The following CLN8 variants were observed in gnomAD, a reference collection of about 807,000 sequenced individuals.
CLN8 encodes protein CLN8.
A neutral mutation model predicts 15.7 loss-of-function variants in CLN8; 14 were observed. The ratio of observed to expected loss-of-function variants is 0.89; its 90% confidence interval spans 0.59 to 1.39. CLN8 has a LOEUF of 1.39. Among genes scored for constraint, CLN8 ranks in the 40% most tolerant of loss-of-function variants. The pLI is 0.00. For missense variants in CLN8, 415 were observed against 364.0 expected (o/e 1.14, Z -1.14); for synonymous variants, 188 against 151.0 (o/e 1.25, Z -1.80).
chr8:1,770,242 A>C (rs961218033), intron 1 of CLN8, among the ~76,000 whole-genome samples: 1 of 152,182 alleles, frequency 6.6e-6, no homozygotes, highest in Non-Finnish European at 1.5e-5. Context: ...TGGGGAAGGT[A>C]AAGACTTTTC....
chr8:1,756,183 C>G (rs1800665110), intron 1 of CLN8: 1 of 152,166 alleles, frequency 6.6e-6, no homozygotes, highest in Admixed American at 6.5e-5. Flanking sequence ...TTTAAATACA[C>G]AAAATTTCAC....
At chr8:1,772,614 C>G (rs1478995501) in intron 2 of CLN8, among the ~76,000 whole-genome samples, 1 of 151,578 alleles carries the variant, frequency 6.6e-6, no homozygotes, top group Non-Finnish European at 1.5e-5. Context: ...CCCACCACCA[C>G]GCCTAGCTAA....
Position 1,757,453 on chromosome 8 carries a change from T to C in CLN8, c.-124+1371T>C, listed in dbSNP as rs529173472. ...AGGCACTTTTTTTGGTTTTGTTTCG[T>C]TTTTTGAGATGGAGTCTTGCTCTGT... On this transcript the variant is annotated intron_variant, in intron 1 of 1. Coordinates refer to the CLN8 transcript ENST00000524258. 2.4e-4 allele frequency among the ~76,000 whole-genome samples: 36 copies of C among 152,236 alleles called. 1 individual carries two copies. In the South Asian group the frequency reaches 7.0e-3, roughly 30 times the overall value.
At position 1,784,958 on chromosome 8, in the gene CLN8, G is replaced by A. The variant is rs117588996; in HGVS notation, c.*4391G>A. 0.067 allele frequency: 10,272 copies of A among 152,626 alleles called. 424 individuals are homozygous for A. Among genetic ancestry groups the A allele is most frequent in the Non-Finnish European group, 0.098 (6,691 of 68,252 alleles). The allele number at this position is 152,626 out of a possible 1,614,324, so 9.5% of individuals were successfully genotyped here. A position where few individuals can be genotyped will look rare whatever the true frequency, so the allele number is the denominator to read the frequency against. On this transcript the variant is annotated 3_prime_UTR_variant, in exon 3 of 3. Transcript: ENST00000331222. ...CCTCTGGTGGGGGCCAGCCTGGGGT[G>A]GGGTCGGCCAGGGTCAGCTGCCTTT...
upstream of CLN8, among the ~76,000 whole-genome samples, chr8:1,761,459 G>T (rs1800794736): frequency 6.6e-6 from 1 of 152,168 alleles, no homozygotes; most frequent in South Asian, 2.1e-4. Flanking sequence ...CAAGTAGTTG[G>T]CATTACAGGC....
chr8:1,762,279 T>G (rs1168959903), upstream of CLN8: 1 of 152,244 alleles, frequency 6.6e-6, no homozygotes, highest in South Asian at 2.1e-4. Flanking sequence ...CTCTGCCTCC[T>G]GGGTTCAAGC....
chr8:1,770,830 GT>G, intron 1 of CLN8, 101 bp from the exon 2 acceptor site: 1 of 602,798 alleles, frequency 1.7e-6, no homozygotes. Context: ...TAAGAATAAG[GT>G]ACAGAATTAA....
chr8:1,780,695 C>T lies in CLN8; in HGVS notation c.*128C>T. On this transcript the variant is annotated 3_prime_UTR_variant, in exon 3 of 3. Transcript: ENST00000331222. ...TGTTTACTTCTAAGGGAAATACTAACTTTCTTTCGCATTAGTATTAATTTT... is the reference window on the plus strand; with the variant it reads ...TGTTTACTTCTAAGGGAAATACTAATTTTCTTTCGCATTAGTATTAATTTT... 1 of 798,802 alleles carries T rather than the reference C, an allele frequency of 1.3e-6. No individual in the cohort carries two copies. The highest frequency in any genetic ancestry group is 2.0e-6 in the Non-Finnish European group (1 of 505,282). The allele number at this position is 798,802 out of a possible 1,614,324, so 49.5% of individuals were successfully genotyped here. A position where few individuals can be genotyped will look rare whatever the true frequency, so the allele number is the denominator to read the frequency against.
intron 2 of CLN8, among the ~76,000 whole-genome samples, chr8:1,779,563 C>T (rs1024602203): frequency 7.9e-5 from 12 of 152,144 alleles, no homozygotes; most frequent in Non-Finnish European, 1.0e-4. Flanking sequence ...AATATTTTGC[C>T]GGGGAGGTAT....
upstream of CLN8, among the ~76,000 whole-genome samples, chr8:1,761,420 G>C (rs1309230541): frequency 1.3e-5 from 2 of 152,298 alleles, no homozygotes; most frequent in Middle Eastern, 6.8e-3. Flanking sequence ...CGCCTTCAGG[G>C]TTCAAGCAAT....
chr8:1,777,786 C>G lies in CLN8; in HGVS notation c.544-2464C>G, dbSNP rs547807828. ...CTGCTACCTCCTATGGTGACAGTGC[C>G]TTCTTCTGGACCCTCCTGAAAGACC... On this transcript the variant is annotated intron_variant, in intron 2 of 2. Coordinates refer to ENST00000331222, the MANE Select transcript of CLN8 (RefSeq NM_018941.4). Among the ~76,000 whole-genome samples the G allele has an allele frequency of 3.3e-5, 5 of 152,324 alleles. No homozygotes were observed. The East Asian group carries it at 9.6e-4, about 29-fold the overall frequency.
intron 2 of CLN8, 90 bp downstream of exon 2, chr8:1,771,687 C>T: frequency 8.3e-7 from 1 of 1,199,152 alleles, no homozygotes; most frequent in Non-Finnish European, 1.2e-6. Flanking sequence ...AACTCAACAG[C>T]AGGCTGGATT....
chr8:1,781,185 C>G lies in CLN8; in HGVS notation c.*618C>G, dbSNP rs1222996759. On this transcript the variant is annotated 3_prime_UTR_variant, in exon 3 of 3. Coordinates refer to ENST00000331222, the MANE Select transcript of CLN8 (RefSeq NM_018941.4). ...CCAGCCTGGTCAAGATGGTGAAACC[C>G]CATCTCTACTAAAATTACAAAAATT... 6.6e-6 allele frequency: 1 copy of G among 152,434 alleles called. No individual in the cohort carries two copies. The highest frequency in any genetic ancestry group is 1.5e-5 in the Non-Finnish European group (1 of 68,490). 9.4% of individuals were successfully genotyped at this position (152,434 alleles called of 1,614,324 possible).
chr8:1,768,076 T>C (rs1197727704), intron 1 of CLN8, among the ~76,000 whole-genome samples: 2 of 151,874 alleles, frequency 1.3e-5, no homozygotes, highest in Non-Finnish European at 2.9e-5. Flanking sequence ...CCTGAGTAGC[T>C]CAAATTACAG....
At position 1,780,709 on chromosome 8, in the gene CLN8, AGT is replaced by A; in HGVS notation, c.*143_*144del. The A allele has an allele frequency of 1.4e-6, 1 of 740,566 alleles. No homozygotes were observed. Among genetic ancestry groups the A allele is most frequent in the South Asian group, 1.8e-5 (1 of 54,820 alleles). 45.9% of individuals were successfully genotyped at this position (740,566 alleles called of 1,614,324 possible). A position where few individuals can be genotyped will look rare whatever the true frequency, so the allele number is the denominator to read the frequency against. ...GGAAATACTAACTTTCTTTCGCATT[AGT>A]ATTAATTTTGAAGTAGCTACAAAGT... On this transcript the variant is annotated 3_prime_UTR_variant, in exon 3 of 3. Coordinates refer to ENST00000331222, the MANE Select transcript of CLN8 (RefSeq NM_018941.4).
Position 1,780,521 on chromosome 8 carries a change from G to C in CLN8, c.815G>C (p.Ser272Thr), listed in dbSNP as rs1801684638. 1.9e-6 allele frequency: 3 copies of C among 1,614,226 alleles called. No individual in the cohort carries two copies. The highest frequency in any genetic ancestry group is 2.5e-6 in the Non-Finnish European group (3 of 1,180,036). Residue 272 changes from serine (S) to threonine (T), a missense_variant, in exon 3 of 3, where the codon AGC becomes ACC. Transcript: ENST00000331222. Reference protein sequence around the residue: ...DWNFAQPEAKSRPEGNGQLLR... With the variant: ...DWNFAQPEAKTRPEGNGQLLR... ...AACTTCGCACAGCCAGAAGCCAAGA[G>C]CAGGCCAGAAGGCAACGGGCAGCTG... is the stretch of plus-strand genomic sequence containing the variant.
intron 1 of CLN8, among the ~76,000 whole-genome samples, chr8:1,756,720 T>C (rs1800678639): frequency 6.6e-6 from 1 of 150,828 alleles, no homozygotes. Context: ...TTTGTTCTTG[T>C]TGCCCAGGCT....
chr8:1,755,958 G>A (rs1479488685), exon 1 of CLN8: 1 of 152,132 alleles, frequency 6.6e-6, no homozygotes, highest in African/African-American at 2.4e-5. Context: ...AATGTGAATT[G>A]GAATTTTATT....
chr8:1,756,319 T>TA (rs1235222100), intron 1 of CLN8, among the ~76,000 whole-genome samples: 1 of 151,730 alleles, frequency 6.6e-6, no homozygotes, highest in African/African-American at 2.4e-5. Flanking sequence ...CCGTCTGTAC[T>TA]AAAAAAATAC....
Sources: allele counts gnomAD v4.1 joint callset (sites outside exome capture counted in the v4.1 genomes callset), GRCh38; gene constraint gnomAD v4.1.1; transcripts MANE v1.5; gene names NCBI Gene and HGNC (gene_info 2026-07-23, HGNC 2026-07-21).